Variants in RAB11FIP3 observed in about 807,000 individuals in gnomAD.
RAB11FIP3 encodes the protein rab11 family-interacting protein 3.
In RAB11FIP3, 17 loss-of-function variants were observed where a neutral mutation model predicts 77.8. The ratio of observed to expected loss-of-function variants is 0.22; its 90% CI spans 0.15 to 0.33. The LOEUF (loss-of-function observed/expected upper bound fraction) is 0.33, where lower values mean the gene tolerates loss of function less well. RAB11FIP3 is among the 10% of genes least tolerant of loss of function. The pLI, the probability that RAB11FIP3 is intolerant of heterozygous loss-of-function variation, is 1.00. For synonymous variants in RAB11FIP3, 437 were observed against 448.2 expected, an observed-to-expected ratio of 0.98 and a Z score of 0.31; for missense variants, 1,005 against 1,011.2, an observed-to-expected ratio of 0.99 and a Z score of 0.08.
At chr16:520,637 CCACAGTCTGCACT>C (rs760779990) in intron 13 of RAB11FIP3, 38 bp downstream of exon 13, 6 of 1,610,706 alleles carry the variant, frequency 3.7e-6, no homozygotes, top group Non-Finnish European at 5.1e-6. Context: ...GGCCTGGGGT[CCACAGTCTGCACT>C]GTCTGTGCGC....
chr16:459,174 T>C (rs2055560154), intron 1 of RAB11FIP3, among the ~76,000 whole-genome samples: 1 of 151,218 alleles, frequency 6.6e-6, no homozygotes, highest in African/African-American at 2.4e-5. Flanking sequence ...TTGCCCAGGC[T>C]GGAGTGCAGT....
chr16:462,119 A>G (rs1482382602), intron 2 of RAB11FIP3, among the ~76,000 whole-genome samples: 2 of 152,138 alleles, frequency 1.3e-5, no homozygotes, highest in African/African-American at 4.8e-5. Flanking sequence ...CACGCACATC[A>G]CTGTCCCCAT....
chr16:491,764 C>A (rs72767826), intron 5 of RAB11FIP3, among the ~76,000 whole-genome samples: 1 of 152,166 alleles, frequency 6.6e-6, no homozygotes, highest in Non-Finnish European at 1.5e-5. Flanking sequence ...TTACAGAAGA[C>A]GGTTTTGAGT....
intron 9 of RAB11FIP3, among the ~76,000 whole-genome samples, chr16:515,749 A>G (rs1482184880): frequency 6.6e-6 from 1 of 151,998 alleles, no homozygotes; most frequent in Non-Finnish European, 1.5e-5. Context: ...TGGGGTTTGC[A>G]TCTCGGAACA....
intron 6 of RAB11FIP3, among the ~76,000 whole-genome samples, chr16:499,242 G>A (rs920884302): frequency 2.0e-5 from 3 of 152,132 alleles, no homozygotes; most frequent in Admixed American, 6.6e-5. Flanking sequence ...GAAGCATTGA[G>A]CTCTTAGGAA....
intron 1 of RAB11FIP3, among the ~76,000 whole-genome samples, chr16:434,536 C>T (rs1596185280): frequency 2.0e-5 from 3 of 152,164 alleles, no homozygotes; most frequent in African/African-American, 7.2e-5. Flanking sequence ...AGGTGGTCCT[C>T]CCATCTCAGC....
At chr16:515,077 T>C (rs957254221) in intron 9 of RAB11FIP3, among the ~76,000 whole-genome samples, 1 of 151,990 alleles carries the variant, frequency 6.6e-6, no homozygotes, top group Non-Finnish European at 1.5e-5. Context: ...CAGAGCCGAG[T>C]GTGTCTGATG....
chr16:492,768 C>G lies in RAB11FIP3; in HGVS notation c.1265+3768C>G, dbSNP rs115205848. Among the ~76,000 whole-genome samples, 1,157 of 152,288 alleles carry G rather than the reference C, an allele frequency of 7.6e-3. 15 individuals are homozygous for G. Among genetic ancestry groups the G allele is most frequent in the African/African-American group, 0.027 (1,105 of 41,560 alleles). On this transcript the variant is annotated intron_variant, in intron 5 of 13. Transcript: ENST00000262305. ...GTAAGCCTGAAGACTCAGGTCTCGTCTCTCATTTTCTGAAGATTTTTGACA... is the reference window on the plus strand; with the variant it reads ...GTAAGCCTGAAGACTCAGGTCTCGTGTCTCATTTTCTGAAGATTTTTGACA...
intron 5 of RAB11FIP3, among the ~76,000 whole-genome samples, chr16:493,503 C>T (rs755397741): frequency 2.6e-4 from 39 of 152,304 alleles, no homozygotes; most frequent in Non-Finnish European, 2.1e-4. Context: ...GTCCAGTCGC[C>T]TCAGAACAGG....
rs758228777 is a variant in RAB11FIP3 at position 461,469 on chromosome 16, C to T, written c.780C>T (p.Tyr260=). The change falls in exon 2 of 14, where the codon TAC becomes TAT. Residue 260 remains tyrosine (Y), a synonymous_variant. Transcript: ENST00000262305. This position sits in a 1 kb window ranked among gnomAD's most constrained non-coding sequence, Gnocchi z 4.5. ...GLGVISFEDF[Y]QGITAIRNGD... is the part of the protein sequence containing the mutation. ...GCGTGATCAGCTTTGAAGACTTCTA[C>T]CAAGGGATCACAGCCATCAGAAACG... 5 of 1,613,866 alleles carry T rather than the reference C, an allele frequency of 3.1e-6. No homozygotes were observed. In the South Asian group the frequency reaches 5.5e-5, roughly 18 times the overall value.
rs1215621961 is a variant in RAB11FIP3 at position 461,348 on chromosome 16, T to C, written c.715-56T>C. On this transcript the variant is annotated intron_variant, in intron 1 of 13. Transcript: ENST00000262305. The surrounding 1 kb of genome is among the most constrained non-coding windows in gnomAD (Gnocchi z 4.5). The stretch of plus-strand genomic sequence containing the variant: ...ATCTCTCCCAGTCCGAGGTCCAGGG[T>C]TGGGGACCCCTGCTGTAAAGGCTTA... 1.4e-6 allele frequency: 2 copies of C among 1,446,860 alleles called. No homozygotes were observed. Among genetic ancestry groups the C allele is most frequent in the Non-Finnish European group, 1.9e-6 (2 of 1,041,402 alleles). The allele number at this position is 1,446,860 out of a possible 1,614,324, so 89.6% of individuals were successfully genotyped here.
intron 3 of RAB11FIP3, 190 bp from the exon 4 acceptor site, chr16:482,335 C>T (rs894194604): frequency 1.7e-5 from 12 of 709,270 alleles, no homozygotes; most frequent in Middle Eastern, 2.3e-4. Context: ...GGATTACAGG[C>T]GTGAGTCACC....
At chr16:519,658 G>T in intron 10 of RAB11FIP3, 96 bp from the exon 11 acceptor site, 1 of 1,503,978 alleles carries the variant, frequency 6.6e-7, no homozygotes, top group African/African-American at 1.4e-5. Flanking sequence ...CGTTGCTGTT[G>T]GGAGACTCAG....
Position 449,630 on chromosome 16 carries a change from C to T in RAB11FIP3, c.715-11774C>T, listed in dbSNP as rs928300480. Among the ~76,000 whole-genome samples the T allele has an allele frequency of 2.1e-5, 3 of 142,474 alleles. No individual in the cohort carries two copies. The East Asian group carries it at 6.1e-4, about 29-fold the overall frequency. 93.5% of individuals were successfully genotyped at this position (142,474 alleles called of 152,430 possible). A position where few individuals can be genotyped will look rare whatever the true frequency, so the allele number is the denominator to read the frequency against. On this transcript the variant is annotated intron_variant, in intron 1 of 13. Transcript: ENST00000262305. ...CACCACTGCACTCCAGCCTGGGTGA[C>T]AGGGAGACCCTATCTCAAAAAAAAA... is the stretch of plus-strand genomic sequence containing the variant.
Position 474,618 on chromosome 16 carries a change from C to T in RAB11FIP3, c.903+3229C>T, listed in dbSNP as rs150092655. On this transcript the variant is annotated intron_variant, in intron 3 of 13. Transcript: ENST00000262305. ...CGCATCTCACAGAATCGTCGGGCCG[C>T]GCTCTCTCCCGTCCTCCCTCCTTCT... 2.0e-3 allele frequency among the ~76,000 whole-genome samples: 311 copies of T among 152,238 alleles called. 2 individuals are homozygous for T. The highest frequency in any genetic ancestry group is 6.8e-3 in the African/African-American group (283 of 41,538).
At chr16:459,411 C>A (rs1005361838) in intron 1 of RAB11FIP3, among the ~76,000 whole-genome samples, 1 of 150,374 alleles carries the variant, frequency 6.7e-6, no homozygotes, top group Admixed American at 6.7e-5. Context: ...TAGGCGTGAA[C>A]CACCACACCC....
At chr16:517,207 C>T (rs189750319) in intron 9 of RAB11FIP3, among the ~76,000 whole-genome samples, 71 of 152,288 alleles carry the variant, frequency 4.7e-4, no homozygotes, top group South Asian at 1.2e-3. Flanking sequence ...CAGGCCTGCT[C>T]GACACCGTCA....
rs369506441 is a variant in RAB11FIP3 at position 520,527 on chromosome 16, C to T, written c.2085C>T (p.Gly695=). ...AGATCATTACCCTCAGCATCCAGGG[C>T]GCCAAGAGCCTCTTCTCCACAGCCT... ...NGQIITLSIQ[G]AKSLFSTAFS... is the part of the protein sequence containing the mutation. Residue 695 remains glycine (G), a synonymous_variant, in exon 13 of 14, where the codon GGC becomes GGT. Coordinates refer to ENST00000262305, the MANE Select transcript of RAB11FIP3 (RefSeq NM_014700.4). 12 of 1,613,746 alleles carry T rather than the reference C, an allele frequency of 7.4e-6. No individual in the cohort carries two copies. Among genetic ancestry groups the T allele is most frequent in the Middle Eastern group, 1.6e-4 (1 of 6,062 alleles).
Position 425,655 on chromosome 16 carries a change from C to G in RAB11FIP3, c.-352C>G, listed in dbSNP as rs373407511. The G allele has an allele frequency of 1.8e-5, 4 of 220,218 alleles. No homozygotes were observed. Among genetic ancestry groups the G allele is most frequent in the African/African-American group, 9.4e-5 (4 of 42,684 alleles). 13.6% of individuals were successfully genotyped at this position (220,218 alleles called of 1,614,324 possible). Reference sequence around the variant, plus strand: ...CGGGTACCTCAGGCGCCTCAGCCTCCTTAGTCTCCTCATCCTGCTTCACAG... The same window carrying G: ...CGGGTACCTCAGGCGCCTCAGCCTCGTTAGTCTCCTCATCCTGCTTCACAG... On this transcript the variant is annotated 5_prime_UTR_variant, in exon 1 of 14. Transcript: ENST00000262305.
Sources: gnomAD v4.1 joint callset for allele counts (sites outside exome capture counted in the v4.1 genomes callset) on GRCh38, gnomAD v4.1.1 for gene constraint, Gnocchi (gnomAD v3.1) non-coding constraint, MANE v1.5 for transcripts, NCBI Gene and HGNC (gene_info 2026-07-23, HGNC 2026-07-21) for gene names.